The following PLSCR2 variants were observed in gnomAD, a reference collection of about 807,000 sequenced individuals.
The protein encoded by PLSCR2 is phospholipid scramblase 2, also known as PL scramblase 2.
PLSCR2 carries 18 observed loss-of-function variants against 25.3 expected under a neutral mutation model. The ratio of observed to expected loss-of-function variants is 0.71; its 90% CI spans 0.49 to 1.06. The LOEUF is 1.06. Among genes scored for constraint, PLSCR2 ranks in the 50% least tolerant of loss-of-function variants. PLSCR2 has a pLI of 0.00. For missense variants in PLSCR2, 243 were observed against 269.5 expected, an observed-to-expected ratio of 0.90 and a Z score of 0.69; for synonymous variants, 88 against 87.3, an observed-to-expected ratio of 1.01 and a Z score of -0.04.
intron 2 of PLSCR2, among the ~76,000 whole-genome samples, chr3:146,414,499 A>C (rs1276155624): frequency 6.6e-6 from 1 of 152,262 alleles, no homozygotes; most frequent in Non-Finnish European, 1.5e-5. Context: ...GCATCCTTTT[A>C]TAATATGCCA....
At chr3:146,478,469 G>A (rs150107497) in intron 1 of PLSCR2, among the ~76,000 whole-genome samples, 13 of 152,080 alleles carry the variant, frequency 8.5e-5, no homozygotes, top group Admixed American at 2.6e-4. Flanking sequence ...TAGCTGATTC[G>A]ATCAAGTGGA....
chr3:146,423,284 C>CTCTCTCTCTCT (rs2039224338), intron 2 of PLSCR2, among the ~76,000 whole-genome samples: 2 of 55,564 alleles, frequency 3.6e-5, no homozygotes, highest in Non-Finnish European at 7.7e-5. Context: ...TCTCTCTCTC[C>CTCTCTCTCTCT]CTGGCTAGAT....
intron 1 of PLSCR2, among the ~76,000 whole-genome samples, chr3:146,491,341 T>C (rs1010149280): frequency 6.6e-6 from 1 of 152,196 alleles, no homozygotes; most frequent in Non-Finnish European, 1.5e-5. Context: ...TCGGGGATGT[T>C]TTTCTTGTAC....
chr3:146,458,699 G>A (rs1230582298), intron 2 of PLSCR2, among the ~76,000 whole-genome samples: 1 of 151,872 alleles, frequency 6.6e-6, no homozygotes, highest in African/African-American at 2.4e-5. Context: ...CTAATATAGT[G>A]GAATCCCTAT....
chr3:146,410,576 G>A (rs2038814014), intron 2 of PLSCR2, among the ~76,000 whole-genome samples: 1 of 152,138 alleles, frequency 6.6e-6, no homozygotes, highest in Non-Finnish European at 1.5e-5. Context: ...AATGACTGAT[G>A]AGAAATTTAA....
downstream of PLSCR2, among the ~76,000 whole-genome samples, chr3:146,437,256 G>A (rs1172497110): frequency 1.3e-5 from 2 of 152,100 alleles, no homozygotes; most frequent in African/African-American, 2.4e-5. Context: ...TTGTGTCTCT[G>A]CCAGGCTTTG....
At chr3:146,422,712 T>C (rs992003108) in intron 2 of PLSCR2, among the ~76,000 whole-genome samples, 1 of 152,104 alleles carries the variant, frequency 6.6e-6, no homozygotes, top group African/African-American at 2.4e-5. Context: ...ACTTGACATG[T>C]TTCAAATTAT....
intron 6 of PLSCR2, among the ~76,000 whole-genome samples, chr3:146,446,896 C>T (rs2040586705): frequency 6.6e-6 from 1 of 152,132 alleles, no homozygotes; most frequent in African/African-American, 2.4e-5. Context: ...GCTTTTCTTC[C>T]ACTTCCTTAA....
chr3:146,434,698 T>C (rs1476928911), intron 8 of PLSCR2, among the ~76,000 whole-genome samples: 1 of 152,122 alleles, frequency 6.6e-6, no homozygotes, highest in Non-Finnish European at 1.5e-5. Flanking sequence ...TTCACTTTGT[T>C]TTATTTCCAA....
exon 5 of PLSCR2, chr3:146,454,058 G>T: frequency 1.2e-6 from 2 of 1,610,064 alleles, no homozygotes; most frequent in Admixed American, 3.4e-5. Context: ...CTAATTTTTA[G>T]TACATCCTCT....
chr3:146,482,731 T>A (rs2043173320), intron 1 of PLSCR2, among the ~76,000 whole-genome samples: 2 of 152,198 alleles, frequency 1.3e-5, no homozygotes, highest in African/African-American at 4.8e-5. Flanking sequence ...ACTGGGTATA[T>A]ACCCAAAGAT....
At chr3:146,425,873 A>G (rs1012719884) in intron 2 of PLSCR2, among the ~76,000 whole-genome samples, 1 of 152,182 alleles carries the variant, frequency 6.6e-6, no homozygotes, top group Non-Finnish European at 1.5e-5. Context: ...TAATGGCAGA[A>G]AGATGAGCTA....
At chr3:146,401,177 C>T (rs1169694121) in intron 2 of PLSCR2, among the ~76,000 whole-genome samples, 2 of 151,964 alleles carry the variant, frequency 1.3e-5, no homozygotes, top group African/African-American at 4.8e-5. Flanking sequence ...CCTTCATTGC[C>T]TAGAAAAAAT....
intron 1 of PLSCR2, among the ~76,000 whole-genome samples, chr3:146,480,981 AAC>A (rs1222882529): frequency 6.6e-6 from 1 of 152,194 alleles, no homozygotes; most frequent in Non-Finnish European, 1.5e-5. Flanking sequence ...AATGACAAAA[AAC>A]ACATGATTAG....
intron 3 of PLSCR2, among the ~76,000 whole-genome samples, chr3:146,456,300 C>G (rs531679184): frequency 1.2e-4 from 19 of 152,142 alleles, no homozygotes; most frequent in African/African-American, 3.6e-4. Context: ...ATGAATTGTC[C>G]CACTATCCAC....
At chr3:146,453,878 G>A (rs905915531) in intron 5 of PLSCR2, 124 bp downstream of exon 5, 1 of 675,122 alleles carries the variant, frequency 1.5e-6, no homozygotes, top group Non-Finnish European at 2.3e-6. Context: ...TTAAATATAT[G>A]GGAACATTAT....
chr3:146,403,614 C>T (rs1206752705), intron 2 of PLSCR2, among the ~76,000 whole-genome samples: 1 of 152,140 alleles, frequency 6.6e-6, no homozygotes, highest in Non-Finnish European at 1.5e-5. Flanking sequence ...TGAATTTCCA[C>T]AATTAGTTTT....
chr3:146,409,879 A>G (rs1383961779), intron 2 of PLSCR2, among the ~76,000 whole-genome samples: 1 of 152,180 alleles, frequency 6.6e-6, no homozygotes, highest in Non-Finnish European at 1.5e-5. Flanking sequence ...GAAAAACAGA[A>G]TTAACCAGAA....
intron 2 of PLSCR2, among the ~76,000 whole-genome samples, chr3:146,421,659 C>T (rs2039158604): frequency 1.3e-5 from 2 of 151,986 alleles, no homozygotes. Context: ...TCCAAGCCAC[C>T]ACAACAATAA....
Sources: allele counts gnomAD v4.1 joint callset (sites outside exome capture counted in the v4.1 genomes callset), GRCh38; gene constraint gnomAD v4.1.1; transcripts MANE v1.5; gene names NCBI Gene and HGNC (gene_info 2026-07-23, HGNC 2026-07-21).